Variants in FHIT observed in about 807,000 individuals in gnomAD.
FHIT encodes the protein fragile histidine triad diadenosine triphosphatase, also known as bis(5'-adenosyl)-triphosphatase.
Under a neutral mutation model 17.9 loss-of-function variants are expected in FHIT, and 19 were observed. The observed-to-expected ratio is 1.06, with a 90% confidence interval of 0.74 to 1.56. FHIT has a LOEUF of 1.56. Among genes scored for constraint, FHIT ranks in the 40% most tolerant of loss-of-function variants. The pLI, the probability that FHIT is intolerant of heterozygous loss-of-function variation, is 0.00. For synonymous variants in FHIT, 81 were observed against 69.7 expected, an observed-to-expected ratio of 1.16 and a Z score of -0.81; for missense variants, 248 against 189.2, an observed-to-expected ratio of 1.31 and a Z score of -1.82.
At chr3:60,296,346 G>GTGT (rs1487762671) in intron 5 of FHIT, among the ~76,000 whole-genome samples, 39 of 152,180 alleles carry the variant, frequency 2.6e-4, no homozygotes, top group African/African-American at 8.2e-4. Flanking sequence ...CCAGCATTTA[G>GTGT]TGTTGTCACC....
intron 5 of FHIT, among the ~76,000 whole-genome samples, chr3:60,071,977 C>A (rs1262968370): frequency 6.6e-6 from 1 of 152,222 alleles, no homozygotes; most frequent in Non-Finnish European, 1.5e-5. Flanking sequence ...GAGGCTTCCT[C>A]AGCCACGTGG....
intron 5 of FHIT, among the ~76,000 whole-genome samples, chr3:60,336,472 G>C (rs1392431857): frequency 6.6e-6 from 1 of 152,022 alleles, no homozygotes; most frequent in Non-Finnish European, 1.5e-5. Flanking sequence ...CCCAAATTTT[G>C]GAACTTGAAA....
intron 3 of FHIT, among the ~76,000 whole-genome samples, chr3:60,929,108 C>A (rs1707811449): frequency 6.6e-6 from 1 of 152,126 alleles, no homozygotes. Flanking sequence ...GAACCAACGA[C>A]AAAACCACAT....
chr3:61,125,357 AATAG>A (rs2036577839), intron 2 of FHIT, among the ~76,000 whole-genome samples: 1 of 152,238 alleles, frequency 6.6e-6, no homozygotes, highest in African/African-American at 2.4e-5. Context: ...CTTATGATAG[AATAG>A]ATATTTGAAA....
intron 2 of FHIT, among the ~76,000 whole-genome samples, chr3:61,163,719 T>C (rs1485122422): frequency 6.6e-6 from 1 of 151,016 alleles, no homozygotes; most frequent in Non-Finnish European, 1.5e-5. Context: ...GTTTATTATC[T>C]TTAGATCACA....
chr3:61,207,603 GCA>G (rs2039290234), intron 1 of FHIT, among the ~76,000 whole-genome samples: 2 of 152,172 alleles, frequency 1.3e-5, no homozygotes, highest in African/African-American at 2.4e-5. Context: ...TAGTTTATTT[GCA>G]TAGAGGTGTT....
At chr3:60,567,422 G>T (rs1478532407) in intron 4 of FHIT, among the ~76,000 whole-genome samples, 2 of 152,154 alleles carry the variant, frequency 1.3e-5, no homozygotes, top group African/African-American at 2.4e-5. Context: ...GCTGAAACTG[G>T]ATCCCTTCCT....
intron 5 of FHIT, among the ~76,000 whole-genome samples, chr3:60,280,937 C>G (rs917417902): frequency 4.2e-5 from 1 of 23,940 alleles, no homozygotes; most frequent in Non-Finnish European, 7.9e-5. Flanking sequence ...GTAGAAAAAT[C>G]CTAAAAAATT....
intron 8 of FHIT, among the ~76,000 whole-genome samples, chr3:59,792,856 G>A (rs1386713507): frequency 7.2e-6 from 1 of 138,764 alleles, no homozygotes; most frequent in African/African-American, 2.9e-5. Flanking sequence ...CCTTTAGTTT[G>A]GAGGTCCTTA....
At chr3:60,318,551 C>T (rs1272103014) in intron 5 of FHIT, among the ~76,000 whole-genome samples, 1 of 152,164 alleles carries the variant, frequency 6.6e-6, no homozygotes, top group Non-Finnish European at 1.5e-5. Context: ...TCCTTTGGGC[C>T]TTGTCACAAC....
chr3:60,624,788 A>T (rs1553680231), intron 4 of FHIT, among the ~76,000 whole-genome samples: 1 of 152,038 alleles, frequency 6.6e-6, no homozygotes, highest in Admixed American at 6.5e-5. Flanking sequence ...TCCATGTTGT[A>T]ACATGTATCA....
At chr3:60,495,913 C>G (rs976259555) in intron 5 of FHIT, among the ~76,000 whole-genome samples, 2 of 151,996 alleles carry the variant, frequency 1.3e-5, no homozygotes, top group East Asian at 3.8e-4. Context: ...ACATTTATGT[C>G]AAGACCATGG....
intron 4 of FHIT, among the ~76,000 whole-genome samples, chr3:60,682,411 G>A (rs2040772206): frequency 6.6e-6 from 1 of 152,176 alleles, no homozygotes; most frequent in Non-Finnish European, 1.5e-5. Flanking sequence ...AGCTGCTAAC[G>A]CAGCTGGTGA....
intron 3 of FHIT, among the ~76,000 whole-genome samples, chr3:60,963,560 G>C (rs1046767091): frequency 4.6e-5 from 7 of 151,972 alleles, no homozygotes; most frequent in African/African-American, 7.3e-5. Context: ...TTCTCCTGTG[G>C]GCATTTAGTG....
rs914250629 is a variant in FHIT, at chr3:60,437,218, G to C, written c.103+99642C>G. Reference sequence around the variant, plus strand: ...GTTGGCATAAATAAATCGTAGACATGTGGGCAAGACTGCTGGAGCCAGGCA... The same window carrying C: ...GTTGGCATAAATAAATCGTAGACATCTGGGCAAGACTGCTGGAGCCAGGCA... On this transcript the variant is annotated intron_variant, in intron 5 of 9. Transcript: ENST00000492590. Among the ~76,000 whole-genome samples the C allele has an allele frequency of 3.3e-5, 5 of 152,246 alleles. No homozygotes were observed. The South Asian group carries it at 1.0e-3, about 32-fold the overall frequency.
intron 3 of FHIT, among the ~76,000 whole-genome samples, chr3:60,869,887 T>C (rs1297080424): frequency 6.6e-6 from 1 of 152,160 alleles, no homozygotes; most frequent in East Asian, 1.9e-4. Flanking sequence ...ATGTCTGTTC[T>C]TGAGCTCTTT....
chr3:60,574,161 T>A (rs939563079), intron 4 of FHIT, among the ~76,000 whole-genome samples: 4 of 152,072 alleles, frequency 2.6e-5, no homozygotes, highest in Admixed American at 2.0e-4. Flanking sequence ...TAAACAATGA[T>A]CCCAGCAGCT....
chr3:60,480,096 C>T (rs776742037), intron 5 of FHIT, among the ~76,000 whole-genome samples: 7 of 152,110 alleles, frequency 4.6e-5, no homozygotes, highest in Admixed American at 1.3e-4. Flanking sequence ...CCTCAGGAAA[C>T]TTACAATCAC....
intron 1 of FHIT, among the ~76,000 whole-genome samples, chr3:61,233,873 A>G (rs1424217191): frequency 6.6e-6 from 1 of 151,864 alleles, no homozygotes; most frequent in Non-Finnish European, 1.5e-5. Context: ...TGCAAGATAC[A>G]CTCTCCTTGA....
Sources: gnomAD v4.1 joint callset for allele counts (sites outside exome capture counted in the v4.1 genomes callset) on GRCh38, gnomAD v4.1.1 for gene constraint, MANE v1.5 for transcripts, NCBI Gene and HGNC (gene_info 2026-07-23, HGNC 2026-07-21) for gene names.